The following NRXN3 variants were observed in gnomAD, a reference collection of about 807,000 sequenced individuals.
NRXN3 encodes the protein neurexin III.
Under a neutral mutation model 137.6 loss-of-function variants are expected in NRXN3, and 32 were observed. The ratio of observed to expected loss-of-function variants is 0.23; its 90% CI spans 0.18 to 0.31. The LOEUF (loss-of-function observed/expected upper bound fraction) is 0.31. NRXN3 is among the 10% of genes least tolerant of loss of function. NRXN3 has a pLI of 1.00. For missense variants in NRXN3, 1,574 were observed against 2,062.5 expected, an observed-to-expected ratio of 0.76 and a Z score of 4.59; for synonymous variants, 798 against 784.5, an observed-to-expected ratio of 1.02 and a Z score of -0.29.
intron 10 of NRXN3, among the ~76,000 whole-genome samples, chr14:78,901,224 AT>A (rs35536492): frequency 2.7e-5 from 4 of 150,772 alleles, no homozygotes; most frequent in South Asian, 2.1e-4. Context: ...TTCTTGAACC[AT>A]TTTTTTTTCC....
chr14:79,754,787 G>A (rs1018425917), intron 19 of NRXN3, among the ~76,000 whole-genome samples: 9 of 151,620 alleles, frequency 5.9e-5, no homozygotes, highest in African/African-American at 1.5e-4. Context: ...GGGACCTCTC[G>A]GGAGGTGATT....
intron 4 of NRXN3, among the ~76,000 whole-genome samples, chr14:78,440,870 C>T (rs151010938): frequency 3.3e-5 from 5 of 152,232 alleles, no homozygotes; most frequent in African/African-American, 1.2e-4. Flanking sequence ...TCAGCATCCT[C>T]CTGCTATTTT....
intron 4 of NRXN3, among the ~76,000 whole-genome samples, chr14:78,405,443 G>T (rs998200689): frequency 2.6e-5 from 4 of 151,964 alleles, no homozygotes; most frequent in African/African-American, 4.8e-5. Flanking sequence ...TTTCCCTTCC[G>T]ATCCTGCTTA....
At chr14:79,123,918 C>T (rs1015486208) in intron 15 of NRXN3, among the ~76,000 whole-genome samples, 1 of 152,136 alleles carries the variant, frequency 6.6e-6, no homozygotes, top group African/African-American at 2.4e-5. Flanking sequence ...GCTTATTCGT[C>T]TCTTTGTTTT....
At chr14:78,362,574 A>G (rs1292621370) in intron 4 of NRXN3, among the ~76,000 whole-genome samples, 1 of 152,210 alleles carries the variant, frequency 6.6e-6, no homozygotes, top group Non-Finnish European at 1.5e-5. Flanking sequence ...TAAGAAGGAA[A>G]TAATTTTGAG....
At chr14:78,970,377 G>T (rs1409009703) in intron 14 of NRXN3, among the ~76,000 whole-genome samples, 1 of 151,580 alleles carries the variant, frequency 6.6e-6, no homozygotes, top group Non-Finnish European at 1.5e-5. Flanking sequence ...ATGTAATAGA[G>T]ATAAAATTAT....
chr14:78,933,990 A>G (rs1352794600), intron 10 of NRXN3, among the ~76,000 whole-genome samples: 1 of 151,164 alleles, frequency 6.6e-6, no homozygotes, highest in Non-Finnish European at 1.5e-5. Context: ...CCTACGGTTG[A>G]TGAGGAAATG....
At chr14:79,270,436 G>T (rs555686182) in intron 15 of NRXN3, among the ~76,000 whole-genome samples, 1 of 152,172 alleles carries the variant, frequency 6.6e-6, no homozygotes, top group Non-Finnish European at 1.5e-5. Context: ...GAATATTGTC[G>T]TTTTCATTTT....
At chr14:79,698,713 G>A (rs1171411240) in intron 19 of NRXN3, among the ~76,000 whole-genome samples, 1 of 151,888 alleles carries the variant, frequency 6.6e-6, no homozygotes, top group Non-Finnish European at 1.5e-5. Flanking sequence ...AAATGCTCTG[G>A]CATACCATGA....
intron 15 of NRXN3, among the ~76,000 whole-genome samples, chr14:79,244,540 A>G (rs1352538575): frequency 6.6e-6 from 1 of 152,118 alleles, no homozygotes; most frequent in Non-Finnish European, 1.5e-5. Flanking sequence ...GCATCCTGTC[A>G]GGAAATTTCC....
chr14:79,501,375 C>T (rs928338358), intron 16 of NRXN3, among the ~76,000 whole-genome samples: 5 of 152,036 alleles, frequency 3.3e-5, no homozygotes, highest in Non-Finnish European at 5.9e-5. Context: ...TATTATTAAG[C>T]GTACATCTTC....
intron 15 of NRXN3, among the ~76,000 whole-genome samples, chr14:79,332,614 TTCTC>T (rs761335633): frequency 1.3e-5 from 2 of 152,202 alleles, no homozygotes; most frequent in Admixed American, 6.5e-5. Context: ...CTGGGAAACT[TTCTC>T]TAAACGGACT....
At chr14:79,356,240 C>T (rs561830010) in intron 15 of NRXN3, among the ~76,000 whole-genome samples, 2 of 152,192 alleles carry the variant, frequency 1.3e-5, no homozygotes, top group South Asian at 4.2e-4. Flanking sequence ...AGAAAAAGGT[C>T]GCCTTAACAC....
At chr14:78,866,794 CTT>C (rs1208179961) in intron 10 of NRXN3, among the ~76,000 whole-genome samples, 5,361 of 118,900 alleles carry the variant, frequency 0.045, 171 homozygotes, top group African/African-American at 0.14. Flanking sequence ...TTACCTTCAT[CTT>C]TTTTTTTTTT....
chr14:78,598,532 A>G (rs1156578373), intron 4 of NRXN3, among the ~76,000 whole-genome samples: 4 of 152,238 alleles, frequency 2.6e-5, no homozygotes, highest in African/African-American at 9.6e-5. Flanking sequence ...GTTTTGGGGC[A>G]GCTAAGGCAC....
At chr14:79,227,372 C>T (rs78252475) in intron 15 of NRXN3, among the ~76,000 whole-genome samples, 4,190 of 152,106 alleles carry the variant, frequency 0.028, 141 homozygotes, top group South Asian at 0.086. Context: ...GTCATGTGTA[C>T]ACTTTCCCTA....
At chr14:78,984,556 G>A (rs189058847) in intron 14 of NRXN3, among the ~76,000 whole-genome samples, 7 of 152,286 alleles carry the variant, frequency 4.6e-5, no homozygotes, top group Admixed American at 3.3e-4. Flanking sequence ...TTAAGGCCAA[G>A]GGTCCAGCAG....
chr14:79,562,131 G>T (rs1236345767), intron 16 of NRXN3, among the ~76,000 whole-genome samples: 1 of 152,022 alleles, frequency 6.6e-6, no homozygotes, highest in Admixed American at 6.6e-5. Flanking sequence ...CTACTAAGCA[G>T]GTGGAATATA....
chr14:79,522,346 G>T (rs997288430), intron 16 of NRXN3, among the ~76,000 whole-genome samples: 5 of 152,084 alleles, frequency 3.3e-5, no homozygotes, highest in Admixed American at 6.6e-5. Flanking sequence ...ATTAAGAGGG[G>T]TGCACAGGGG....
Sources: gnomAD v4.1 joint callset for allele counts (sites outside exome capture counted in the v4.1 genomes callset) on GRCh38, gnomAD v4.1.1 for gene constraint, MANE v1.5 for transcripts, NCBI Gene and HGNC (gene_info 2026-07-23, HGNC 2026-07-21) for gene names.